The following GPC6 variants were observed in gnomAD, a reference collection of about 807,000 sequenced individuals.
GPC6 encodes the protein glypican-6.
A neutral mutation model predicts 55.2 loss-of-function variants in GPC6; 14 were observed. The observed-to-expected ratio is 0.25, with a 90% CI of 0.17 to 0.40. The LOEUF is 0.40. Among genes scored for constraint, GPC6 ranks in the 10% least tolerant of loss-of-function variants. The pLI, the probability that GPC6 is intolerant of heterozygous loss-of-function variation, is 1.00. For missense variants in GPC6, 641 were observed against 708.5 expected, an observed-to-expected ratio of 0.90 and a Z score of 1.08; for synonymous variants, 278 against 259.6, an observed-to-expected ratio of 1.07 and a Z score of -0.68.
At chr13:93,913,760 G>T (rs775357570) in intron 3 of GPC6, among the ~76,000 whole-genome samples, 3 of 152,102 alleles carry the variant, frequency 2.0e-5, no homozygotes, top group African/African-American at 7.2e-5. Context: ...GGCAACAACC[G>T]CTGGTCATTC....
chr13:94,172,521 C>T (rs934589243), intron 4 of GPC6, among the ~76,000 whole-genome samples: 3 of 152,166 alleles, frequency 2.0e-5, no homozygotes, highest in Non-Finnish European at 4.4e-5. Context: ...CTGCCTGATA[C>T]TTGCTTTGGT....
chr13:94,168,124 A>G (rs1001003668), intron 4 of GPC6, among the ~76,000 whole-genome samples: 8 of 152,254 alleles, frequency 5.3e-5, no homozygotes, highest in Non-Finnish European at 1.0e-4. Flanking sequence ...AAGTGATTTG[A>G]CCAAGACAAC....
At chr13:93,510,370 A>G (rs145978662) in intron 1 of GPC6, among the ~76,000 whole-genome samples, 2,042 of 152,040 alleles carry the variant, frequency 0.013, 43 homozygotes, top group African/African-American at 0.041. Context: ...CTCTACCTCC[A>G]TGTGATCAAC....
At chr13:93,703,641 G>GC (rs1044127187) in intron 2 of GPC6, among the ~76,000 whole-genome samples, 1 of 151,412 alleles carries the variant, frequency 6.6e-6, no homozygotes, top group Non-Finnish European at 1.5e-5. Context: ...TCCACCCCCC[G>GC]CCCCCGTTAA....
At chr13:93,345,976 C>A (rs1344706681) in intron 1 of GPC6, among the ~76,000 whole-genome samples, 1 of 152,170 alleles carries the variant, frequency 6.6e-6, no homozygotes, top group Non-Finnish European at 1.5e-5. Context: ...TAAGAATGGA[C>A]TGACCAGCAT....
At chr13:94,032,309 C>T (rs1292074759) in intron 4 of GPC6, among the ~76,000 whole-genome samples, 2 of 152,100 alleles carry the variant, frequency 1.3e-5, no homozygotes, top group Non-Finnish European at 2.9e-5. Context: ...ATAACAGAAG[C>T]ATGGGGTGCT....
At chr13:94,172,576 A>G (rs1888610986) in intron 4 of GPC6, among the ~76,000 whole-genome samples, 1 of 152,198 alleles carries the variant, frequency 6.6e-6, no homozygotes. Context: ...TCATTAACAT[A>G]TTCTCTATGG....
At chr13:94,207,752 GGT>G (rs2138984350) in intron 4 of GPC6, among the ~76,000 whole-genome samples, 1 of 152,226 alleles carries the variant, frequency 6.6e-6, no homozygotes, top group African/African-American at 2.4e-5. Flanking sequence ...TGGTGGTTTG[GGT>G]TGGAGTTCCA....
At chr13:93,662,622 C>T (rs894223211) in intron 2 of GPC6, among the ~76,000 whole-genome samples, 7 of 151,532 alleles carry the variant, frequency 4.6e-5, no homozygotes, top group African/African-American at 1.5e-4. Context: ...AAGAGCGAGA[C>T]GTCTTTCAAA....
chr13:93,569,991 A>G (rs1441998366), intron 2 of GPC6, among the ~76,000 whole-genome samples: 1 of 151,396 alleles, frequency 6.6e-6, no homozygotes, highest in East Asian at 1.9e-4. Context: ...TAATCTCTTG[A>G]CTATCTTAAG....
At chr13:93,377,988 T>G (rs980228701) in intron 1 of GPC6, among the ~76,000 whole-genome samples, 2 of 152,236 alleles carry the variant, frequency 1.3e-5, no homozygotes, top group African/African-American at 4.8e-5. Context: ...ATTTGTGAAA[T>G]AGCACTGTAG....
At chr13:93,615,907 G>A (rs1400977308) in intron 2 of GPC6, among the ~76,000 whole-genome samples, 1 of 152,056 alleles carries the variant, frequency 6.6e-6, no homozygotes, top group Non-Finnish European at 1.5e-5. Flanking sequence ...GTAGTGCCTG[G>A]CACATACTGC....
At chr13:94,217,990 A>G (rs1157851267) in intron 4 of GPC6, among the ~76,000 whole-genome samples, 1 of 152,176 alleles carries the variant, frequency 6.6e-6, no homozygotes, top group African/African-American at 2.4e-5. Context: ...ATATGGGATA[A>G]TATTTCTTTC....
intron 6 of GPC6, among the ~76,000 whole-genome samples, chr13:94,333,157 G>A (rs1299694128): frequency 6.6e-6 from 1 of 152,208 alleles, no homozygotes; most frequent in Non-Finnish European, 1.5e-5. Context: ...AGTTAGCTGT[G>A]AAATACTCAG....
At chr13:94,004,854 T>C (rs1016478525) in intron 3 of GPC6, among the ~76,000 whole-genome samples, 2 of 151,964 alleles carry the variant, frequency 1.3e-5, no homozygotes, top group African/African-American at 4.8e-5. Flanking sequence ...GTCAGGAGTT[T>C]GAGACCACCC....
intron 1 of GPC6, among the ~76,000 whole-genome samples, chr13:93,485,334 G>A (rs1879664741): frequency 6.6e-6 from 1 of 152,144 alleles, no homozygotes; most frequent in Non-Finnish European, 1.5e-5. Flanking sequence ...AGCCAAACTT[G>A]AGGTTCAGTA....
chr13:93,634,214 T>A (rs1229013673), intron 2 of GPC6, among the ~76,000 whole-genome samples: 1 of 152,188 alleles, frequency 6.6e-6, no homozygotes, highest in African/African-American at 2.4e-5. Flanking sequence ...AAATATATTT[T>A]GATATGTTTG....
chr13:93,387,133 C>T (rs201352111), intron 1 of GPC6, among the ~76,000 whole-genome samples: 1 of 145,888 alleles, frequency 6.9e-6, no homozygotes, highest in African/African-American at 2.5e-5. Flanking sequence ...TGGTTTCTTT[C>T]TTTTTTTTTT....
intron 1 of GPC6, among the ~76,000 whole-genome samples, chr13:93,521,627 A>C (rs1435328585): frequency 6.6e-6 from 1 of 151,942 alleles, no homozygotes; most frequent in Non-Finnish European, 1.5e-5. Context: ...TTCATACAGC[A>C]TGACTGCTCT....
Sources: gnomAD v4.1 joint callset for allele counts (sites outside exome capture counted in the v4.1 genomes callset) on GRCh38, gnomAD v4.1.1 for gene constraint, MANE v1.5 for transcripts, NCBI Gene and HGNC (gene_info 2026-07-23, HGNC 2026-07-21) for gene names.